CNBD1: variants seen among roughly 807,000 people sequenced by gnomAD.
CNBD1 encodes the protein cyclic nucleotide-binding domain-containing protein 1.
Under a neutral mutation model 54.4 loss-of-function variants are expected in CNBD1, and 71 were observed. The ratio of observed to expected loss-of-function variants is 1.30; its 90% CI spans 1.08 to 1.59. CNBD1 has a LOEUF of 1.59. CNBD1 is among the 40% of genes most tolerant of loss of function. The probability of loss-of-function intolerance (pLI) is 0.00; values close to 1 mark genes in which losing one functional copy is unlikely to be tolerated. For missense variants in CNBD1, 659 were observed against 518.0 expected, an observed-to-expected ratio of 1.27 and a Z score of -2.64; for synonymous variants, 182 against 170.7, an observed-to-expected ratio of 1.07 and a Z score of -0.51.
At chr8:86,977,213 A>G (rs1469085256) in intron 4 of CNBD1, among the ~76,000 whole-genome samples, 3 of 151,930 alleles carry the variant, frequency 2.0e-5, no homozygotes, top group Non-Finnish European at 4.4e-5. Context: ...AATTCCAACA[A>G]ATTCTTTGGG....
At chr8:87,309,320 C>T (rs772619313) in intron 8 of CNBD1, among the ~76,000 whole-genome samples, 26 of 152,120 alleles carry the variant, frequency 1.7e-4, no homozygotes, top group Admixed American at 3.3e-4. Flanking sequence ...CAAATCATCT[C>T]TGCTTCTCCA....
At chr8:87,316,747 G>C (rs186002064) in intron 8 of CNBD1, among the ~76,000 whole-genome samples, 5 of 151,876 alleles carry the variant, frequency 3.3e-5, no homozygotes, top group Admixed American at 1.3e-4. Context: ...GACGTATAAG[G>C]ATTTCCAATA....
At chr8:87,268,541 G>A (rs900926975) in intron 6 of CNBD1, among the ~76,000 whole-genome samples, 5 of 152,060 alleles carry the variant, frequency 3.3e-5, no homozygotes, top group African/African-American at 1.2e-4. Flanking sequence ...GCTCACCACA[G>A]TGGCTAATTT....
At chr8:87,075,622 T>A (rs1810853426) in intron 4 of CNBD1, among the ~76,000 whole-genome samples, 14 of 152,266 alleles carry the variant, frequency 9.2e-5, no homozygotes, top group Admixed American at 7.8e-4. Context: ...GGGAAGTCAA[T>A]TTGAAGTTGA....
intron 4 of CNBD1, among the ~76,000 whole-genome samples, chr8:87,113,128 G>C (rs74959831): frequency 6.6e-6 from 1 of 152,296 alleles, no homozygotes; most frequent in South Asian, 2.1e-4. Context: ...GGCAGAGGGT[G>C]GATGCAGGAT....
chr8:87,321,458 A>T (rs1809529159), intron 8 of CNBD1, among the ~76,000 whole-genome samples: 1 of 152,192 alleles, frequency 6.6e-6, no homozygotes, highest in African/African-American at 2.4e-5. Flanking sequence ...GATACTGAAC[A>T]TCTTTTCTTA....
At chr8:87,160,236 T>C (rs1473416666) in intron 4 of CNBD1, among the ~76,000 whole-genome samples, 2 of 152,056 alleles carry the variant, frequency 1.3e-5, no homozygotes, top group African/African-American at 2.4e-5. Flanking sequence ...TTTAATTTTA[T>C]TTTTAAAAAC....
chr8:87,384,200 A>T (rs1286355053), downstream of CNBD1, among the ~76,000 whole-genome samples: 1 of 152,070 alleles, frequency 6.6e-6, no homozygotes, highest in African/African-American at 2.4e-5. Flanking sequence ...ACCCCTGCTA[A>T]ATTTGGCTAT....
At chr8:86,974,838 A>T (rs1188066649) in intron 4 of CNBD1, among the ~76,000 whole-genome samples, 1 of 152,090 alleles carries the variant, frequency 6.6e-6, no homozygotes, top group East Asian at 1.9e-4. Flanking sequence ...TTAGTTTATT[A>T]TTTCAAATTT....
At chr8:87,386,527 A>T (rs1202798870), downstream of CNBD1, among the ~76,000 whole-genome samples, 2 of 152,100 alleles carry the variant, frequency 1.3e-5, no homozygotes, top group Non-Finnish European at 2.9e-5. Context: ...ATTGAAGATC[A>T]AATGAATGAA....
At chr8:87,385,127 T>C (rs1200596085), downstream of CNBD1, among the ~76,000 whole-genome samples, 2 of 152,008 alleles carry the variant, frequency 1.3e-5, no homozygotes, top group Non-Finnish European at 2.9e-5. Flanking sequence ...ATGTAAAAGA[T>C]AATGATGGGG....
intron 2 of CNBD1, among the ~76,000 whole-genome samples, chr8:86,901,587 T>G (rs570838014): frequency 2.2e-4 from 34 of 152,268 alleles, no homozygotes; most frequent in Non-Finnish European, 4.1e-4. Flanking sequence ...CAATATAATT[T>G]TATTTCTTTC....
intron 2 of CNBD1, among the ~76,000 whole-genome samples, chr8:87,417,717 AATT>A (rs1435649259): frequency 6.6e-6 from 1 of 151,818 alleles, no homozygotes; most frequent in Non-Finnish European, 1.5e-5. Context: ...CTAAAAATGA[AATT>A]AATAAAATTA....
chr8:87,160,912 G>T (rs187620186), intron 4 of CNBD1, among the ~76,000 whole-genome samples: 104 of 152,068 alleles, frequency 6.8e-4, no homozygotes, highest in African/African-American at 2.4e-3. Context: ...ACTACAACAG[G>T]GTGTATTTTC....
chr8:87,407,343 T>A (rs1433399767), intron 2 of CNBD1, among the ~76,000 whole-genome samples: 2 of 151,866 alleles, frequency 1.3e-5, no homozygotes, highest in Non-Finnish European at 2.9e-5. Context: ...CAGTACTCAG[T>A]ACTTAGTTTA....
intron 8 of CNBD1, among the ~76,000 whole-genome samples, chr8:87,307,828 G>A (rs1007517435): frequency 2.8e-4 from 42 of 151,316 alleles, no homozygotes; most frequent in African/African-American, 1.0e-3. Flanking sequence ...TCCATTTTAA[G>A]TGATGGCAGT....
At chr8:86,878,621 C>A (rs1159350927) in intron 1 of CNBD1, among the ~76,000 whole-genome samples, 1 of 152,000 alleles carries the variant, frequency 6.6e-6, no homozygotes, top group Admixed American at 6.6e-5. Context: ...GTTGTTTAAC[C>A]CCGCCTTTCA....
chr8:87,139,741 A>G (rs1812334013), intron 4 of CNBD1, among the ~76,000 whole-genome samples: 1 of 152,162 alleles, frequency 6.6e-6, no homozygotes, highest in South Asian at 2.1e-4. Flanking sequence ...GATGCCAGCA[A>G]AGACTAGGGG....
intron 8 of CNBD1, among the ~76,000 whole-genome samples, chr8:87,327,025 C>G (rs539052003): frequency 6.7e-6 from 1 of 149,942 alleles, no homozygotes; most frequent in Non-Finnish European, 1.5e-5. Context: ...TTCTAACAGA[C>G]AGCACCCTCA....
Sources: gnomAD v4.1 joint callset for allele counts (sites outside exome capture counted in the v4.1 genomes callset) on GRCh38, gnomAD v4.1.1 for gene constraint, MANE v1.5 for transcripts, NCBI Gene and HGNC (gene_info 2026-07-23, HGNC 2026-07-21) for gene names.